Variants in ZNF654 observed in about 807,000 individuals in gnomAD.
ZNF654 encodes melanoma-associated antigen.
A neutral mutation model predicts 95.3 loss-of-function variants in ZNF654; 19 were observed. The ratio of observed to expected loss-of-function variants is 0.20; its 90% CI spans 0.14 to 0.29. The LOEUF (loss-of-function observed/expected upper bound fraction) is 0.29, where lower values mean the gene tolerates loss of function less well. ZNF654 is among the 10% of genes least tolerant of loss of function. The probability of loss-of-function intolerance (pLI) is 1.00; values close to 1 mark genes in which losing one functional copy is unlikely to be tolerated. For missense variants in ZNF654, 1,046 were observed against 1,341.0 expected, an observed-to-expected ratio of 0.78 and a Z score of 3.44; for synonymous variants, 413 against 457.9, an observed-to-expected ratio of 0.90 and a Z score of 1.25.
chr3:88,061,374 T>A lies in ZNF654; in HGVS notation c.186+1869T>A, dbSNP rs1576172681. Among the ~76,000 whole-genome samples, 3 of 152,200 alleles carry A rather than the reference T, an allele frequency of 2.0e-5. No individual in the cohort carries two copies. In the East Asian group the frequency reaches 5.8e-4, roughly 29 times the overall value. Reference sequence around the variant, plus strand: ...GAAGTTGACTACTTTATGACTTCGCTACCTCCTGTATATCCAAGGAAATAA... The same window carrying A: ...GAAGTTGACTACTTTATGACTTCGCAACCTCCTGTATATCCAAGGAAATAA... On this transcript the variant is annotated intron_variant, in intron 1 of 8. Transcript: ENST00000636215.
At chr3:88,099,029 A>G (rs1364929277) in intron 2 of ZNF654, among the ~76,000 whole-genome samples, 1 of 152,164 alleles carries the variant, frequency 6.6e-6, no homozygotes, top group Non-Finnish European at 1.5e-5. Flanking sequence ...CAGTTAGGAA[A>G]AGAGGAAGTC....
chr3:88,091,476 A>C (rs1017550994), intron 2 of ZNF654, among the ~76,000 whole-genome samples: 1 of 152,116 alleles, frequency 6.6e-6, no homozygotes. Flanking sequence ...TCTTTCATCT[A>C]TATAATCTTT....
chr3:88,097,480 A>G (rs1472074215), intron 2 of ZNF654, among the ~76,000 whole-genome samples: 1 of 152,130 alleles, frequency 6.6e-6, no homozygotes, highest in Admixed American at 6.6e-5. Flanking sequence ...CACCAAGCAG[A>G]CCTAACAGAC....
chr3:88,105,418 A>C (rs763343934), intron 2 of ZNF654, among the ~76,000 whole-genome samples: 1 of 152,134 alleles, frequency 6.6e-6, no homozygotes, highest in Non-Finnish European at 1.5e-5. Context: ...ATAGTCAGTC[A>C]ATTTGTCCTC....
At chr3:88,068,605 T>C (rs1461630226) in intron 1 of ZNF654, among the ~76,000 whole-genome samples, 1 of 152,236 alleles carries the variant, frequency 6.6e-6, no homozygotes, top group Admixed American at 6.5e-5. Context: ...TTAATGTTTT[T>C]AATATCTGGA....
intron 1 of ZNF654, among the ~76,000 whole-genome samples, chr3:88,076,998 T>C (rs1707839756): frequency 6.6e-6 from 1 of 152,170 alleles, no homozygotes; most frequent in South Asian, 2.1e-4. Flanking sequence ...ATTAGTATTG[T>C]TGATTTTACT....
chr3:88,136,331 T>G (rs1475192141), intron 7 of ZNF654, among the ~76,000 whole-genome samples: 1 of 152,130 alleles, frequency 6.6e-6, no homozygotes, highest in African/African-American at 2.4e-5. Flanking sequence ...AAATATATTA[T>G]AAAAGGAAAA....
chr3:88,139,596 C>T lies in ZNF654; in HGVS notation c.1927C>T (p.Leu643Phe), dbSNP rs780834394. Residue 643 changes from leucine to phenylalanine, a missense_variant, in exon 8 of 9, where the codon CTT becomes TTT. Physicochemically the swap from Leu to Phe is conservative, Grantham distance 22. This residue lies in a region of ZNF654 where 495 missense variants were observed against 537.0 expected (regional missense o/e 0.92). Transcript: ENST00000636215. The stretch of plus-strand genomic sequence containing the variant: ...TAGTAAGGATTTGGAAGTGGAGACA[C>T]TTACTGCTTCTAGTGAAGGAAACAA... ...SDSKDLEVET[L>F]TASSEGNKEV... is the part of the protein sequence containing the mutation. 8.1e-6 allele frequency: 13 copies of T among 1,613,608 alleles called. 1 individual carries two copies. Among genetic ancestry groups the T allele is most frequent in the South Asian group, 5.5e-5 (5 of 91,074 alleles).
chr3:88,102,556 T>C (rs1299264373), intron 2 of ZNF654, among the ~76,000 whole-genome samples: 2 of 152,244 alleles, frequency 1.3e-5, no homozygotes, highest in African/African-American at 4.8e-5. Context: ...ATCTTTTCTC[T>C]ATCACTGGGA....
At position 88,073,258 on chromosome 3, in the gene ZNF654, T is replaced by C. The variant is rs868206537; in HGVS notation, c.187-12999T>C. Among the ~76,000 whole-genome samples the C allele has an allele frequency of 6.6e-5, 10 of 151,912 alleles. No homozygotes were observed. In the Middle Eastern group the frequency reaches 0.014, roughly 207 times the overall value. On this transcript the variant is annotated intron_variant, in intron 1 of 8. Coordinates refer to ENST00000636215, the MANE Select transcript of ZNF654 (RefSeq NM_001350134.2). The stretch of plus-strand genomic sequence containing the variant: ...CTGATTGTCACATTTTCCCAATGAG[T>C]CTAATGCATGCTAAAGTTTGAGAGC...
At position 88,072,870 on chromosome 3, in the gene ZNF654, T is replaced by A. The variant is rs140483213; in HGVS notation, c.186+13365T>A. Among the ~76,000 whole-genome samples the A allele has an allele frequency of 3.9e-4, 59 of 152,298 alleles. 1 individual carries two copies. The East Asian group carries it at 0.011, about 28-fold the overall frequency. ...GGGAAAGTGTGATTAGTGCCACTAT[T>A]TGAATTCCTATGCACGTTCACATGG... On this transcript the variant is annotated intron_variant, in intron 1 of 8. Coordinates refer to ENST00000636215, the MANE Select transcript of ZNF654 (RefSeq NM_001350134.2).
rs1707023519 is a variant in ZNF654 at position 88,140,016 on chromosome 3, A to G, written c.2347A>G (p.Lys783Glu). 1 of 1,613,694 alleles carries G rather than the reference A, an allele frequency of 6.2e-7. No individual in the cohort carries two copies. The highest frequency in any genetic ancestry group is 8.5e-7 in the Non-Finnish European group (1 of 1,179,818). ...TTTAAATGTGCGACAAACAGTAATG[A>G]AGTGGAGCAAAGGAAAATGCAAATT... ...TDLNVRQTVMKWSKGKCKFCQ... is the reference protein window; with the variant it reads ...TDLNVRQTVMEWSKGKCKFCQ... Residue 783 changes from lysine to glutamate, a missense_variant, in exon 8 of 9, where the codon AAG becomes GAG. Physicochemically the swap from Lys to Glu is moderately conservative, Grantham distance 56. Coordinates refer to ENST00000636215, the MANE Select transcript of ZNF654 (RefSeq NM_001350134.2).
chr3:88,139,104 C>G lies in ZNF654; in HGVS notation c.1435C>G (p.Leu479Val), dbSNP rs1039151377. 1.2e-5 allele frequency: 15 copies of G among 1,264,626 alleles called. No homozygotes were observed. Among genetic ancestry groups the G allele is most frequent in the Admixed American group, 7.8e-5 (2 of 25,608 alleles). 78.3% of individuals were successfully genotyped at this position (1,264,626 alleles called of 1,614,324 possible). A position where few individuals can be genotyped will look rare whatever the true frequency, so the allele number is the denominator to read the frequency against. ...AGTTAGATTTCTAAATGAAAGCACACTGGAAAATAATGCAGGTAATCTAAA... is the reference window on the plus strand; with the variant it reads ...AGTTAGATTTCTAAATGAAAGCACAGTGGAAAATAATGCAGGTAATCTAAA... ...SAVRFLNEST[L>V]ENNAGNLKRT... is the part of the protein sequence containing the mutation. The change falls in exon 8 of 9, where the codon CTG becomes GTG. Residue 479 changes from leucine to valine, a missense_variant. Leu to Val is a conservative substitution (Grantham distance 32, BLOSUM62 1). Coordinates refer to ENST00000636215, the MANE Select transcript of ZNF654 (RefSeq NM_001350134.2).
intron 1 of ZNF654, among the ~76,000 whole-genome samples, chr3:88,082,777 T>C (rs1488030077): frequency 6.6e-6 from 1 of 152,214 alleles, no homozygotes; most frequent in African/African-American, 2.4e-5. Flanking sequence ...TCACTTTATA[T>C]GTTTAAATAG....
At chr3:88,069,131 T>G (rs1707363108) in intron 1 of ZNF654, among the ~76,000 whole-genome samples, 1 of 71,242 alleles carries the variant, frequency 1.4e-5, no homozygotes, top group South Asian at 8.9e-4. Flanking sequence ...CCATCAGAAG[T>G]GATTCTCAGG....
chr3:88,076,395 A>C (rs2107631261), intron 1 of ZNF654, among the ~76,000 whole-genome samples: 1 of 152,104 alleles, frequency 6.6e-6, no homozygotes. Context: ...TTCATCTTTA[A>C]GTACAGTTAC....
At position 88,059,310 on chromosome 3, in the gene ZNF654, C is replaced by T. The variant is rs530597561; in HGVS notation, c.-10C>T. The T allele has an allele frequency of 1.1e-5, 17 of 1,532,852 alleles. No individual in the cohort carries two copies. The South Asian group carries it at 1.2e-4, about 11-fold the overall frequency. The allele number at this position is 1,532,852 out of a possible 1,614,324, so 95.0% of individuals were successfully genotyped here. A position where few individuals can be genotyped will look rare whatever the true frequency, so the allele number is the denominator to read the frequency against. On this transcript the variant is annotated 5_prime_UTR_variant, in exon 1 of 9. Transcript: ENST00000636215. ...GCAGGGGCTGGTACGCGCTGGGCGG[C>T]GAGAGCCTCATGGCGGAGGAAGAGA...
At position 88,059,301 on chromosome 3, in the gene ZNF654, G is replaced by C; in HGVS notation, c.-19G>C. On this transcript the variant is annotated 5_prime_UTR_variant, in exon 1 of 9. Transcript: ENST00000636215. ...GGCGGCGGCGCAGGGGCTGGTACGC[G>C]CTGGGCGGCGAGAGCCTCATGGCGG... The C allele has an allele frequency of 6.5e-7, 1 of 1,533,056 alleles. No homozygotes were observed. Among genetic ancestry groups the C allele is most frequent in the Non-Finnish European group, 8.7e-7 (1 of 1,146,420 alleles). The allele number at this position is 1,533,056 out of a possible 1,614,324, so 95.0% of individuals were successfully genotyped here.
chr3:88,122,275 A>G (rs1705815677), intron 3 of ZNF654, among the ~76,000 whole-genome samples: 1 of 152,188 alleles, frequency 6.6e-6, no homozygotes, highest in Non-Finnish European at 1.5e-5. Flanking sequence ...GACCAGGCTG[A>G]AGAAAAGAAT....
Sources: gnomAD v4.1 joint callset for allele counts (sites outside exome capture counted in the v4.1 genomes callset) on GRCh38, gnomAD v4.1.1 for gene constraint, gnomAD v4.1.1 regional missense constraint, MANE v1.5 for transcripts, NCBI Gene and HGNC (gene_info 2026-07-23, HGNC 2026-07-21) for gene names.